PCDHA4: variants seen among roughly 807,000 people sequenced by gnomAD.
PCDHA4 encodes the protein protocadherin alpha 4.
A neutral mutation model predicts 61.4 loss-of-function variants in PCDHA4; 49 were observed. The ratio of observed to expected loss-of-function variants is 0.80; its 90% CI spans 0.63 to 1.01. The LOEUF (loss-of-function observed/expected upper bound fraction) is 1.01. PCDHA4 is among the 50% of genes least tolerant of loss of function. The pLI is 0.00. For missense variants in PCDHA4, 1,254 were observed against 1,235.8 expected, an observed-to-expected ratio of 1.01 and a Z score of -0.22; for synonymous variants, 590 against 550.3, an observed-to-expected ratio of 1.07 and a Z score of -1.01.
chr5:140,985,928 C>A (rs1001132600), intron 3 of PCDHA4, among the ~76,000 whole-genome samples: 2 of 151,534 alleles, frequency 1.3e-5, no homozygotes, highest in Non-Finnish European at 2.9e-5. Flanking sequence ...TTTAGTAGAG[C>A]CGGGGTTTCA....
chr5:140,821,988 G>T, intron 1 of PCDHA4: 1 of 1,614,188 alleles, frequency 6.2e-7, no homozygotes, highest in African/African-American at 1.3e-5. Context: ...AGGGCCGCGG[G>T]GACCTTCTGG....
intron 3 of PCDHA4, among the ~76,000 whole-genome samples, chr5:140,995,541 G>T (rs1444257516): frequency 6.6e-5 from 10 of 152,186 alleles, no homozygotes; most frequent in Non-Finnish European, 1.3e-4. Context: ...CAAATAAGGG[G>T]CGATCACTGT....
At chr5:140,877,729 C>G (rs1554170045) in intron 1 of PCDHA4, 2 of 1,614,168 alleles carry the variant, frequency 1.2e-6, no homozygotes, top group South Asian at 2.2e-5. Context: ...TTACTCGCAG[C>G]AGAGGAGGCA....
chr5:140,846,801 G>A (rs1780686436), intron 1 of PCDHA4, among the ~76,000 whole-genome samples: 1 of 149,422 alleles, frequency 6.7e-6, no homozygotes, highest in Admixed American at 6.7e-5. Context: ...CCAGCCCCTG[G>A]CTTTAAAATT....
At chr5:140,917,324 C>CGG (rs1299895515) in intron 1 of PCDHA4, among the ~76,000 whole-genome samples, 73 of 76,040 alleles carry the variant, frequency 9.6e-4, no homozygotes, top group South Asian at 2.7e-3. Flanking sequence ...GTTCATGTGG[C>CGG]GGGGGAGGGG....
At chr5:140,912,441 G>A (rs1460671133) in intron 1 of PCDHA4, among the ~76,000 whole-genome samples, 2 of 151,478 alleles carry the variant, frequency 1.3e-5, no homozygotes, top group Non-Finnish European at 2.9e-5. Flanking sequence ...GCTGATTTGT[G>A]TGCATTGATT....
chr5:140,949,679 T>A (rs246046), intron 1 of PCDHA4, among the ~76,000 whole-genome samples: 85,531 of 151,538 alleles, frequency 0.56, 24,739 homozygotes, highest in African/African-American at 0.69. Context: ...ATGCCCTTGT[T>A]GAAGCGTATT....
At chr5:140,993,466 A>T (rs1374096077) in intron 3 of PCDHA4, among the ~76,000 whole-genome samples, 2 of 45,548 alleles carry the variant, frequency 4.4e-5, no homozygotes, top group African/African-American at 1.2e-4. Flanking sequence ...TCTTTCTCAC[A>T]CACACACACA....
In PCDHA4 at chr5:140,807,821, C is replaced by T; in HGVS notation, c.634C>T (p.Leu212Phe). The T allele has an allele frequency of 6.2e-7, 1 of 1,614,090 alleles. No homozygotes were observed. The highest frequency in any genetic ancestry group is 8.5e-7 in the Non-Finnish European group (1 of 1,180,022). ...REEAPEIFLVLTATDGGKPEL... is the reference protein window; with the variant it reads ...REEAPEIFLVFTATDGGKPEL... ...AGAAGCTCCGGAGATTTTTTTAGTGCTCACAGCCACTGATGGAGGCAAACC... is the reference window on the plus strand; with the variant it reads ...AGAAGCTCCGGAGATTTTTTTAGTGTTCACAGCCACTGATGGAGGCAAACC... Residue 212 changes from leucine to phenylalanine, a missense_variant, in exon 1 of 4, where the codon CTC becomes TTC. By Grantham distance (22) the Leu-to-Phe change is conservative (BLOSUM62 0). Transcript: ENST00000530339.
chr5:140,947,035 A>T (rs2094072055), intron 1 of PCDHA4, among the ~76,000 whole-genome samples: 1 of 151,748 alleles, frequency 6.6e-6, no homozygotes, highest in Admixed American at 6.6e-5. Flanking sequence ...GGATATACTA[A>T]TTACCCTGAT....
At position 141,011,317 on chromosome 5, in the gene PCDHA4, T is replaced by C. The variant is rs1554263417; in HGVS notation, c.*1380T>C. On this transcript the variant is annotated 3_prime_UTR_variant, in exon 4 of 4. Transcript: ENST00000530339. ...TAACACTCTGAATTGCTAATCTTAC[T>C]AACACCTATGATGTTACCTGAAATC... 1 of 153,818 alleles carries C rather than the reference T, an allele frequency of 6.5e-6. No homozygotes were observed. The highest frequency in any genetic ancestry group is 2.4e-5 in the African/African-American group (1 of 41,470). 9.5% of individuals were successfully genotyped at this position (153,818 alleles called of 1,614,324 possible).
At chr5:140,947,780 A>G (rs2094176112) in intron 1 of PCDHA4, among the ~76,000 whole-genome samples, 1 of 151,588 alleles carries the variant, frequency 6.6e-6, no homozygotes, top group Non-Finnish European at 1.5e-5. Flanking sequence ...TTGTAAATGG[A>G]TTTTAAACAG....
chr5:140,862,406 T>C, intron 1 of PCDHA4: 1 of 350,092 alleles, frequency 2.9e-6, no homozygotes, highest in Non-Finnish European at 5.6e-6. Flanking sequence ...GTGTCTACCT[T>C]CAAAAGGCGC....
rs2150342799 is a variant in PCDHA4 at position 140,842,713 on chromosome 5, G to C, written c.2385+33141G>C. ...CGCAGCCCGAGTACACGGTGTTCGT[G>C]AAGGAGAACAACCCGCCGGGCTGCC... On this transcript the variant is annotated intron_variant, in intron 1 of 3. Coordinates refer to ENST00000530339, the MANE Select transcript of PCDHA4 (RefSeq NM_018907.4). 4.1e-5 allele frequency: 65 copies of C among 1,595,292 alleles called. 3 individuals are homozygous for C. In the Middle Eastern group the frequency reaches 1.3e-3, roughly 31 times the overall value.
At chr5:140,964,044 A>G (rs155810) in intron 1 of PCDHA4, among the ~76,000 whole-genome samples, 592 of 152,346 alleles carry the variant, frequency 3.9e-3, no homozygotes, top group Middle Eastern at 0.024. Context: ...AAAGGAATGC[A>G]TAATGGTGTG....
intron 1 of PCDHA4, chr5:140,822,071 C>A: frequency 1.2e-6 from 2 of 1,614,192 alleles, no homozygotes; most frequent in Non-Finnish European, 1.7e-6. Flanking sequence ...CGGCGGAGGG[C>A]GGAGTGCAGC....
chr5:140,968,886 A>T, intron 1 of PCDHA4: 1 of 1,614,186 alleles, frequency 6.2e-7, no homozygotes, highest in Non-Finnish European at 8.5e-7. Flanking sequence ...ATTACCCTTT[A>T]TCTAATAATA....
chr5:140,830,469 A>C (rs2150186918), intron 1 of PCDHA4: 5 of 1,570,612 alleles, frequency 3.2e-6, no homozygotes, highest in Non-Finnish European at 8.7e-7. Flanking sequence ...GATTTAAATG[A>C]AGATCATGAT....
intron 1 of PCDHA4, chr5:140,841,122 T>A (rs1777037982): frequency 1.6e-6 from 1 of 640,424 alleles, no homozygotes; most frequent in South Asian, 2.2e-5. Flanking sequence ...CATGTAATCA[T>A]TACCTTTTGA....
Sources: allele counts gnomAD v4.1 joint callset (sites outside exome capture counted in the v4.1 genomes callset), GRCh38; gene constraint gnomAD v4.1.1; transcripts MANE v1.5; gene names NCBI Gene and HGNC (gene_info 2026-07-23, HGNC 2026-07-21).